COMMD1: variants seen among roughly 807,000 people sequenced by gnomAD.
COMMD1 encodes COMM domain-containing protein 1.
A neutral mutation model predicts 17.2 loss-of-function variants in COMMD1; 10 were observed. The ratio of observed to expected loss-of-function variants is 0.58; its 90% CI spans 0.36 to 0.99. COMMD1 has a LOEUF of 0.99. Ranked by LOEUF, COMMD1 falls within the 50% of genes least tolerant of loss-of-function variation. The pLI, the probability that COMMD1 is intolerant of heterozygous loss-of-function variation, is 0.01. For missense variants in COMMD1, 270 were observed against 231.8 expected (o/e 1.17, Z -1.07); for synonymous variants, 97 against 91.6 (o/e 1.06, Z -0.34).
intron 1 of COMMD1, among the ~76,000 whole-genome samples, chr2:61,933,389 G>T (rs760669708): frequency 6.6e-6 from 1 of 151,832 alleles, no homozygotes; most frequent in African/African-American, 2.4e-5. Context: ...CAGGGGTGTG[G>T]GGGGTAAGGA....
chr2:62,038,505 T>C (rs1335585052), intron 2 of COMMD1, among the ~76,000 whole-genome samples: 1 of 152,176 alleles, frequency 6.6e-6, no homozygotes, highest in Non-Finnish European at 1.5e-5. Context: ...GTTTCTTTTT[T>C]AAATGTTTTA....
intron 1 of COMMD1, among the ~76,000 whole-genome samples, chr2:61,941,088 C>T (rs567499552): frequency 6.6e-6 from 1 of 150,828 alleles, no homozygotes; most frequent in Non-Finnish European, 1.5e-5. Flanking sequence ...AGTGCGGTGG[C>T]GCGATCTTGG....
intron 2 of COMMD1, among the ~76,000 whole-genome samples, chr2:62,031,992 T>C (rs978822111): frequency 1.3e-5 from 2 of 152,230 alleles, no homozygotes; most frequent in African/African-American, 4.8e-5. Context: ...CTACCTTGTC[T>C]TTATATGCCT....
chr2:61,945,296 A>G (rs1670877300), intron 1 of COMMD1, among the ~76,000 whole-genome samples: 1 of 152,262 alleles, frequency 6.6e-6, no homozygotes. Flanking sequence ...TTATGGAAGC[A>G]GGAAAACTTG....
intron 1 of COMMD1, among the ~76,000 whole-genome samples, chr2:61,916,827 CGAA>C (rs1670064903): frequency 6.6e-6 from 1 of 152,088 alleles, no homozygotes. Context: ...ACCCAGCACT[CGAA>C]GTTCTTTTTA....
chr2:61,997,161 G>A (rs891457011), intron 1 of COMMD1, among the ~76,000 whole-genome samples: 1 of 151,362 alleles, frequency 6.6e-6, no homozygotes, highest in Non-Finnish European at 1.5e-5. Flanking sequence ...TGTGTTCACA[G>A]TGATCCTCCC....
intron 2 of COMMD1, among the ~76,000 whole-genome samples, chr2:62,126,582 T>C (rs1183722569): frequency 6.6e-6 from 1 of 152,262 alleles, no homozygotes; most frequent in Non-Finnish European, 1.5e-5. Context: ...GAGAAGTGTC[T>C]GTTCATGTCC....
Position 62,130,868 on chromosome 2 carries a change from A to G in COMMD1, c.463-4963A>G, listed in dbSNP as rs139872065. Among the ~76,000 whole-genome samples the G allele has an allele frequency of 4.0e-3, 616 of 152,338 alleles. 3 individuals are homozygous for G. Among genetic ancestry groups the G allele is most frequent in the African/African-American group, 0.014 (584 of 41,582 alleles). On this transcript the variant is annotated intron_variant, in intron 2 of 2. Coordinates refer to ENST00000311832, the MANE Select transcript of COMMD1 (RefSeq NM_152516.4). The stretch of plus-strand genomic sequence containing the variant: ...GGATAAAACCAAACATTTGCTTACT[A>G]ACAGCCTTCAGTTATTCTGTAAACT...
chr2:62,097,829 C>T (rs1672054231), intron 2 of COMMD1, among the ~76,000 whole-genome samples: 1 of 152,090 alleles, frequency 6.6e-6, no homozygotes, highest in Non-Finnish European at 1.5e-5. Context: ...CTGGTATTTT[C>T]CCCATTTATG....
rs1164784215 is a variant in COMMD1, at chr2:62,135,864, G to A, written c.496G>A (p.Val166Ile). 3 of 1,595,336 alleles carry A rather than the reference G, an allele frequency of 1.9e-6. No individual in the cohort carries two copies. The highest frequency in any genetic ancestry group is 8.6e-7 in the Non-Finnish European group (1 of 1,162,912). ...SEFLCLEFDE[V>I]KVNQILKTLS... ...ATTTCTGTGTTTGGAATTTGATGAG[G>A]TCAAAGTCAACCAAATTCTGAAGAC... The change falls in exon 3 of 3, where the codon GTC (valine) becomes ATC (isoleucine). Residue 166 changes from valine (V) to isoleucine (I), a missense_variant. Coordinates refer to ENST00000311832, the MANE Select transcript of COMMD1 (RefSeq NM_152516.4).
Position 62,076,455 on chromosome 2 carries a change from T to C in COMMD1, c.463-59376T>C, listed in dbSNP as rs77844513. ...GAAAGAGGTCAAGTTGAAAGAACAG[T>C]AAAAACAGCGGCCGTCTGCAGTGGC... On this transcript the variant is annotated intron_variant, in intron 2 of 2. Transcript: ENST00000311832. 2.4e-3 allele frequency among the ~76,000 whole-genome samples: 361 copies of C among 152,002 alleles called. 1 individual carries two copies. The highest frequency in any genetic ancestry group is 8.5e-3 in the African/African-American group (354 of 41,514).
intron 1 of COMMD1, among the ~76,000 whole-genome samples, chr2:61,897,485 G>A (rs1208459724): frequency 1.3e-5 from 2 of 152,174 alleles, no homozygotes; most frequent in Non-Finnish European, 2.9e-5. Flanking sequence ...CAATGGTTAA[G>A]TATAAAAATT....
intron 2 of COMMD1, among the ~76,000 whole-genome samples, chr2:62,016,021 A>C (rs1573073612): frequency 6.6e-6 from 1 of 151,828 alleles, no homozygotes; most frequent in South Asian, 2.1e-4. Flanking sequence ...TAGTAGAGAC[A>C]GGGTTTCACC....
chr2:61,938,182 C>G (rs892497502), intron 1 of COMMD1, among the ~76,000 whole-genome samples: 1 of 152,006 alleles, frequency 6.6e-6, no homozygotes, highest in African/African-American at 2.4e-5. Flanking sequence ...CAGGGAGAGG[C>G]CATTTCCTGA....
intron 2 of COMMD1, among the ~76,000 whole-genome samples, chr2:62,080,291 A>C (rs980650466): frequency 2.6e-5 from 4 of 151,990 alleles, no homozygotes; most frequent in African/African-American, 9.7e-5. Context: ...TGTCTCTACA[A>C]AAATAAAAAA....
intron 2 of COMMD1, among the ~76,000 whole-genome samples, chr2:62,060,896 T>C (rs565372737): frequency 6.6e-6 from 1 of 152,138 alleles, no homozygotes; most frequent in Admixed American, 6.5e-5. Flanking sequence ...TCTGTTTTTT[T>C]CCCCCAATCT....
upstream of COMMD1, among the ~76,000 whole-genome samples, chr2:61,904,929 G>A (rs920492416): frequency 2.0e-5 from 3 of 152,194 alleles, no homozygotes; most frequent in Admixed American, 6.5e-5. Flanking sequence ...ATAAATGGAT[G>A]TCCAATATTT....
intron 1 of COMMD1, among the ~76,000 whole-genome samples, chr2:61,937,222 G>A (rs1339204458): frequency 6.6e-6 from 1 of 152,106 alleles, no homozygotes; most frequent in African/African-American, 2.4e-5. Context: ...AGGGCTGGAG[G>A]GGTATGATGA....
At chr2:61,934,175 G>A (rs1670543707) in intron 1 of COMMD1, among the ~76,000 whole-genome samples, 1 of 152,266 alleles carries the variant, frequency 6.6e-6, no homozygotes, top group East Asian at 1.9e-4. Flanking sequence ...GGGGATGGTG[G>A]GGGAATGTGA....
Sources: allele counts gnomAD v4.1 joint callset (sites outside exome capture counted in the v4.1 genomes callset), GRCh38; gene constraint gnomAD v4.1.1; transcripts MANE v1.5; gene names NCBI Gene and HGNC (gene_info 2026-07-23, HGNC 2026-07-21).